Variants in TAMM41 observed in about 807,000 individuals in gnomAD.
TAMM41 encodes phosphatidate cytidylyltransferase, mitochondrial.
A neutral mutation model predicts 44.1 loss-of-function variants in TAMM41; 36 were observed. The observed-to-expected ratio is 0.82, with a 90% CI of 0.63 to 1.08. The LOEUF (loss-of-function observed/expected upper bound fraction) is 1.08, where lower values mean the gene tolerates loss of function less well. Ranked by LOEUF, TAMM41 falls within the 50% of genes least tolerant of loss-of-function variation. The probability of loss-of-function intolerance (pLI) is 0.00; values close to 1 mark genes in which losing one functional copy is unlikely to be tolerated. For missense variants in TAMM41, 417 were observed against 404.3 expected (o/e 1.03, Z -0.27); for synonymous variants, 164 against 153.1 (o/e 1.07, Z -0.53).
At chr3:11,806,170 T>C (rs2077903507) in intron 7 of TAMM41, among the ~76,000 whole-genome samples, 2 of 152,210 alleles carry the variant, frequency 1.3e-5, no homozygotes, top group South Asian at 2.1e-4. Context: ...AGGTATGTCT[T>C]TATTAGCAGC....
At chr3:11,838,681 C>T (rs993413017) in intron 3 of TAMM41, among the ~76,000 whole-genome samples, 2 of 151,030 alleles carry the variant, frequency 1.3e-5, no homozygotes, top group African/African-American at 2.5e-5. Flanking sequence ...TGCTTACCAA[C>T]CCAGAAGTTC....
At chr3:11,738,139 C>T in the TAMM41 span, among the ~76,000 whole-genome samples, 2 of 152,130 alleles carry the variant, frequency 1.3e-5, no homozygotes, top group Non-Finnish European at 2.9e-5. Context: ...TTTAAAAGAA[C>T]ATCAAAAATA....
At chr3:11,729,523 TTCTTTTCTTTCTTTCA>T in the TAMM41 span, among the ~76,000 whole-genome samples, 355 of 133,126 alleles carry the variant, frequency 2.7e-3, 37 homozygotes, top group East Asian at 0.01. Flanking sequence ...CTTTCTTTCT[TTCTTTTCTTTCTTTCA>T]TTTTTTTTTT....
intron 5 of TAMM41, among the ~76,000 whole-genome samples, chr3:11,816,880 T>C (rs1394766250): frequency 6.6e-6 from 1 of 152,198 alleles, no homozygotes; most frequent in African/African-American, 2.4e-5. Context: ...TCTAAAAGTT[T>C]ATTTTCACTT....
At chr3:11,783,972 A>G in the TAMM41 span, among the ~76,000 whole-genome samples, 1 of 152,226 alleles carries the variant, frequency 6.6e-6, no homozygotes, top group African/African-American at 2.4e-5. Context: ...CCAAATAGTA[A>G]GCACTATCAA....
chr3:11,799,917 C>T (rs746446490), intron 7 of TAMM41, among the ~76,000 whole-genome samples: 11 of 152,072 alleles, frequency 7.2e-5, no homozygotes, highest in Admixed American at 1.3e-4. Context: ...CCTTAAAGGC[C>T]AGAAGAGAAT....
At chr3:11,748,571 G>C in the TAMM41 span, among the ~76,000 whole-genome samples, 1 of 151,964 alleles carries the variant, frequency 6.6e-6, no homozygotes, top group African/African-American at 2.4e-5. Flanking sequence ...TAGAGACGGG[G>C]GTTCACCATG....
the TAMM41 span, among the ~76,000 whole-genome samples, chr3:11,761,599 T>C: frequency 2.0e-5 from 3 of 152,138 alleles, no homozygotes; most frequent in Admixed American, 2.0e-4. Context: ...TTTCTTAGCT[T>C]CCTTTCACAG....
At chr3:11,737,795 T>G in the TAMM41 span, among the ~76,000 whole-genome samples, 1 of 152,188 alleles carries the variant, frequency 6.6e-6, no homozygotes, top group African/African-American at 2.4e-5. Context: ...TAACTTGACA[T>G]GACAGATGAT....
At chr3:11,759,071 C>G in the TAMM41 span, among the ~76,000 whole-genome samples, 1 of 152,222 alleles carries the variant, frequency 6.6e-6, no homozygotes, top group East Asian at 1.9e-4. Context: ...CTCCCCAAAT[C>G]CCATTAATTA....
chr3:11,815,402 A>G (rs2078240791), intron 5 of TAMM41, among the ~76,000 whole-genome samples: 1 of 152,202 alleles, frequency 6.6e-6, no homozygotes, highest in Non-Finnish European at 1.5e-5. Context: ...AAAATACCCA[A>G]TAAATCTGTC....
In TAMM41 at chr3:11,846,575, G is replaced by T. The variant is rs2079704971; in HGVS notation, c.62C>A (p.Pro21His). 2 of 1,614,124 alleles carry T rather than the reference G, an allele frequency of 1.2e-6. No individual in the cohort carries two copies. The highest frequency in any genetic ancestry group is 2.2e-5 in the South Asian group (2 of 91,094). The change falls in exon 1 of 8, where the codon CCC (proline) becomes CAC (histidine). Residue 21 changes from proline to histidine, a missense_variant. Physicochemically the swap from Pro to His is moderately conservative, Grantham distance 77. Coordinates refer to ENST00000455809, the MANE Select transcript of TAMM41 (RefSeq NM_001284401.2). The stretch of plus-strand genomic sequence containing the variant: ...GACGAAAGCCAGACTCAGCTCCTCG[G>T]GGAAGTGAGACAGGATCTTGCGGAA... ...VTFRKILSHFPEELSLAFVYG... is the reference protein window; with the variant it reads ...VTFRKILSHFHEELSLAFVYG...
intron 4 of TAMM41, among the ~76,000 whole-genome samples, chr3:11,828,627 ACT>A (rs1279129845): frequency 6.6e-6 from 1 of 152,042 alleles, no homozygotes; most frequent in Non-Finnish European, 1.5e-5. Context: ...GGGCCACGCC[ACT>A]CTTTGCCCCT....
the TAMM41 span, among the ~76,000 whole-genome samples, chr3:11,750,915 C>T: frequency 9.2e-4 from 140 of 152,216 alleles, no homozygotes; most frequent in Middle Eastern, 6.8e-3. Context: ...CTCTCTCCTT[C>T]TCTCTCCCTT....
At chr3:11,805,168 ATTT>A (rs1427765425) in intron 7 of TAMM41, among the ~76,000 whole-genome samples, 2 of 151,916 alleles carry the variant, frequency 1.3e-5, no homozygotes, top group African/African-American at 4.8e-5. Context: ...CGCCCAGCTA[ATTT>A]TTTGTATTTT....
At chr3:11,722,341 C>T in the TAMM41 span, among the ~76,000 whole-genome samples, 3 of 151,118 alleles carry the variant, frequency 2.0e-5, no homozygotes, top group Non-Finnish European at 4.4e-5. Flanking sequence ...TTTAGTTGTG[C>T]AAAGGAGAGA....
chr3:11,787,134 G>T (rs1347663365), downstream of TAMM41, among the ~76,000 whole-genome samples: 1 of 152,132 alleles, frequency 6.6e-6, no homozygotes, highest in African/African-American at 2.4e-5. Context: ...CATGGCGGCT[G>T]GGTTGCAAGC....
chr3:11,840,875 C>T (rs1008575039), intron 2 of TAMM41, among the ~76,000 whole-genome samples: 3 of 152,190 alleles, frequency 2.0e-5, no homozygotes, highest in South Asian at 2.1e-4. Flanking sequence ...GAATTTCAGT[C>T]TGGTCTTCCA....
chr3:11,723,838 C>G, the TAMM41 span, among the ~76,000 whole-genome samples: 1 of 151,768 alleles, frequency 6.6e-6, no homozygotes, highest in Non-Finnish European at 1.5e-5. Context: ...ATATTTCAAC[C>G]CAAGGATTTT....
Sources: gnomAD v4.1 joint callset for allele counts (sites outside exome capture counted in the v4.1 genomes callset) on GRCh38, gnomAD v4.1.1 for gene constraint, MANE v1.5 for transcripts, NCBI Gene and HGNC (gene_info 2026-07-23, HGNC 2026-07-21) for gene names.